Variants in RFTN1 observed in about 807,000 individuals in gnomAD.
RFTN1 encodes the protein raftlin.
RFTN1 carries 26 observed loss-of-function variants against 46.5 expected under a neutral mutation model. That is an observed-to-expected ratio of 0.56 (90% CI 0.41 to 0.78). The LOEUF is 0.78. Ranked by LOEUF, RFTN1 falls within the 30% of genes least tolerant of loss-of-function variation. The pLI, the probability that RFTN1 is intolerant of heterozygous loss-of-function variation, is 0.00. For synonymous variants in RFTN1, 261 were observed against 284.2 expected, an observed-to-expected ratio of 0.92 and a Z score of 0.82; for missense variants, 693 against 718.7, an observed-to-expected ratio of 0.96 and a Z score of 0.41.
chr3:16,326,934 T>C (rs1332974354), intron 7 of RFTN1, 58 bp from the exon 8 acceptor site: 10 of 1,315,008 alleles, frequency 7.6e-6, no homozygotes, highest in Non-Finnish European at 1.1e-5. Context: ...TCCCAGGCAA[T>C]GAGAGGGGAC....
intron 2 of RFTN1, chr3:16,454,664 C>T (rs2075874930): frequency 1.6e-6 from 1 of 634,438 alleles, no homozygotes; most frequent in Non-Finnish European, 2.0e-6. Flanking sequence ...CCTCCTCATT[C>T]CCTAACTGCT....
intron 4 of RFTN1, among the ~76,000 whole-genome samples, chr3:16,378,827 T>G (rs1416161559): frequency 6.6e-6 from 1 of 152,098 alleles, no homozygotes; most frequent in Non-Finnish European, 1.5e-5. Flanking sequence ...TGATGGTTCC[T>G]TCTCACTCCC....
chr3:16,488,555 A>C (rs190505679), intron 2 of RFTN1, among the ~76,000 whole-genome samples: 5 of 152,222 alleles, frequency 3.3e-5, no homozygotes. Flanking sequence ...AAAATCTGCT[A>C]TGGTTAAAAC....
At chr3:16,409,759 A>G (rs1490293068) in intron 3 of RFTN1, among the ~76,000 whole-genome samples, 3 of 145,540 alleles carry the variant, frequency 2.1e-5, no homozygotes, top group African/African-American at 5.2e-5. Context: ...ATCTCGGCTC[A>G]CTGCAAGCTC....
At position 16,446,216 on chromosome 3, in the gene RFTN1, A is replaced by G. The variant is rs2075726505; in HGVS notation, c.146-12179T>C. Among the ~76,000 whole-genome samples the G allele has an allele frequency of 6.6e-6, 1 of 152,060 alleles. No individual in the cohort carries two copies. Among genetic ancestry groups the G allele is most frequent in the Non-Finnish European group, 1.5e-5 (1 of 68,010 alleles). Reference sequence around the variant, plus strand: ...GGCCCTAAAGCAGATTAGCCACAAGACCAAGATGAAAGAACCATAATGAGT... The same window carrying G: ...GGCCCTAAAGCAGATTAGCCACAAGGCCAAGATGAAAGAACCATAATGAGT... On this transcript the variant is annotated intron_variant, in intron 2 of 9. Coordinates refer to ENST00000334133, the MANE Select transcript of RFTN1 (RefSeq NM_015150.2). The surrounding 1 kb of genome is among the most constrained non-coding windows in gnomAD (Gnocchi z 4.5).
intron 3 of RFTN1, among the ~76,000 whole-genome samples, chr3:16,420,756 A>G (rs2075168165): frequency 6.6e-6 from 1 of 152,246 alleles, no homozygotes; most frequent in African/African-American, 2.4e-5. Flanking sequence ...AATTTTAACA[A>G]TTTAAATGGC....
At position 16,449,557 on chromosome 3, in the gene RFTN1, A is replaced by G. The variant is rs1039088939; in HGVS notation, c.146-15520T>C. 1.3e-5 allele frequency among the ~76,000 whole-genome samples: 2 copies of G among 152,230 alleles called. No homozygotes were observed. Among genetic ancestry groups the G allele is most frequent in the Non-Finnish European group, 2.9e-5 (2 of 68,046 alleles). ...GGGAGCTGCTAAAATCATTGTTGTT[A>G]TCACCATTATGCATAACCCTAATCA... On this transcript the variant is annotated intron_variant, in intron 2 of 9. Transcript: ENST00000334133. The surrounding 1 kb of genome is among the most constrained non-coding windows in gnomAD (Gnocchi z 5.1).
chr3:16,342,221 G>C lies in RFTN1; in HGVS notation c.1147-15345C>G, dbSNP rs1302666114. The stretch of plus-strand genomic sequence containing the variant: ...CCCCTTTCCCCCCACCCACCCCGAG[G>C]CAACCACGAGTCCACTTTTTGTCTC... On this transcript the variant is annotated intron_variant, in intron 7 of 9. Transcript: ENST00000334133. The surrounding 1 kb of genome is among the most constrained non-coding windows in gnomAD (Gnocchi z 4.0). Among the ~76,000 whole-genome samples the C allele has an allele frequency of 1.3e-5, 2 of 151,596 alleles. No individual in the cohort carries two copies. Among genetic ancestry groups the C allele is most frequent in the African/African-American group, 4.9e-5 (2 of 41,186 alleles).
intron 4 of RFTN1, among the ~76,000 whole-genome samples, chr3:16,395,817 T>G (rs1219521509): frequency 3.3e-5 from 5 of 152,240 alleles, no homozygotes; most frequent in African/African-American, 9.6e-5. Context: ...GAGATGTGAT[T>G]TAAGTGACAC....
intron 4 of RFTN1, among the ~76,000 whole-genome samples, chr3:16,386,533 C>T (rs1057253225): frequency 2.0e-5 from 3 of 152,230 alleles, no homozygotes; most frequent in East Asian, 1.9e-4. Flanking sequence ...CCAGAGCCCA[C>T]GTTGCTACCT....
rs1202078887 is a variant in RFTN1 at position 16,447,820 on chromosome 3, TACTTTCTGG to T, written c.146-13792_146-13784del. On this transcript the variant is annotated intron_variant, in intron 2 of 9. Coordinates refer to ENST00000334133, the MANE Select transcript of RFTN1 (RefSeq NM_015150.2). The surrounding 1 kb of genome is among the most constrained non-coding windows in gnomAD (Gnocchi z 5.9). Reference sequence around the variant, plus strand: ...GGATTTTTAATCAGGCAAAGGAATGTACTTTCTGGACTTGCCAGTGATCACTTACTGAGA... The same window carrying T: ...GGATTTTTAATCAGGCAAAGGAATGTACTTGCCAGTGATCACTTACTGAGA... Among the ~76,000 whole-genome samples the T allele has an allele frequency of 6.6e-6, 1 of 152,186 alleles. No individual in the cohort carries two copies. The highest frequency in any genetic ancestry group is 2.4e-5 in the African/African-American group (1 of 41,450).
intron 2 of RFTN1, among the ~76,000 whole-genome samples, chr3:16,467,654 G>A (rs2076122161): frequency 6.6e-6 from 1 of 152,220 alleles, no homozygotes; most frequent in South Asian, 2.1e-4. Context: ...AAGAGGTGAT[G>A]ACCGTGCGCC....
Position 16,317,212 on chromosome 3 carries a change from T to C in RFTN1, c.1353A>G (p.Arg451=), listed in dbSNP as rs757839572. The C allele has an allele frequency of 1.9e-5, 31 of 1,612,716 alleles. No homozygotes were observed. Among genetic ancestry groups the C allele is most frequent in the Admixed American group, 8.3e-5 (5 of 59,938 alleles). The change falls in exon 10 of 10, where the codon AGA becomes AGG. Residue 451 remains arginine, a synonymous_variant. Transcript: ENST00000334133. This position sits in a 1 kb window ranked among gnomAD's most constrained non-coding sequence, Gnocchi z 4.3. ...TCATCTGCCTGTTGTGCATTTCTTC[T>C]CTGGAGAATCGCCACTGAAACTAGA... The part of the protein sequence containing the change: ...KESKFQWRFS[R]EEMHNRQMRK...
In RFTN1 at chr3:16,428,552, A is replaced by C. The variant is rs2075327591; in HGVS notation, c.332+5299T>G. On this transcript the variant is annotated intron_variant, in intron 3 of 9. Transcript: ENST00000334133. The surrounding 1 kb of genome is among the most constrained non-coding windows in gnomAD (Gnocchi z 4.7). Reference sequence around the variant, plus strand: ...CAGGTCCTCTGTGTGCCCCCACCCTAATCCTAGGCCAAAAGGTGCCTGATA... The same window carrying C: ...CAGGTCCTCTGTGTGCCCCCACCCTCATCCTAGGCCAAAAGGTGCCTGATA... Among the ~76,000 whole-genome samples the C allele has an allele frequency of 6.6e-6, 1 of 152,192 alleles. No homozygotes were observed. Among genetic ancestry groups the C allele is most frequent in the Non-Finnish European group, 1.5e-5 (1 of 68,028 alleles).
At chr3:16,360,729 A>G (rs557835817) in intron 6 of RFTN1, among the ~76,000 whole-genome samples, 1 of 152,350 alleles carries the variant, frequency 6.6e-6, no homozygotes, top group Non-Finnish European at 1.5e-5. Flanking sequence ...AACTTAATCT[A>G]AATGTTCAAC....
rs570322474 is a variant in RFTN1 at position 16,338,456 on chromosome 3, C to T, written c.1147-11580G>A. 2.0e-5 allele frequency among the ~76,000 whole-genome samples: 3 copies of T among 152,352 alleles called. No individual in the cohort carries two copies. Among genetic ancestry groups the T allele is most frequent in the East Asian group, 3.9e-4 (2 of 5,186 alleles). Reference sequence around the variant, plus strand: ...TCCTGTCAGCTGCTCATCGGGACCACGTATGCAATAGCACAGGGCTCCTGT... The same window carrying T: ...TCCTGTCAGCTGCTCATCGGGACCATGTATGCAATAGCACAGGGCTCCTGT... On this transcript the variant is annotated intron_variant, in intron 7 of 9. Transcript: ENST00000334133. The surrounding 1 kb of genome is among the most constrained non-coding windows in gnomAD (Gnocchi z 5.3).
At position 16,316,478 on chromosome 3, in the gene RFTN1, C is replaced by G. The variant is rs150410164; in HGVS notation, c.*350G>C. Reference sequence around the variant, plus strand: ...GCCCAGGGTGTCCATGGATTTGACCCGAATGCTCCCTGGAGGCCCTGTGGC... The same window carrying G: ...GCCCAGGGTGTCCATGGATTTGACCGGAATGCTCCCTGGAGGCCCTGTGGC... On this transcript the variant is annotated 3_prime_UTR_variant, in exon 10 of 10. Transcript: ENST00000334133. This position sits in a 1 kb window ranked among gnomAD's most constrained non-coding sequence, Gnocchi z 4.5. 1 of 321,866 alleles carries G rather than the reference C, an allele frequency of 3.1e-6. No homozygotes were observed. Among genetic ancestry groups the G allele is most frequent in the East Asian group, 9.6e-5 (1 of 10,418 alleles). The allele number at this position is 321,866 out of a possible 1,614,324, so 19.9% of individuals were successfully genotyped here. A position where few individuals can be genotyped will look rare whatever the true frequency, so the allele number is the denominator to read the frequency against.
At position 16,361,833 on chromosome 3, in the gene RFTN1, A is replaced by G. The variant is rs1046403915; in HGVS notation, c.1031-3786T>C. 2.4e-4 allele frequency among the ~76,000 whole-genome samples: 36 copies of G among 152,322 alleles called. No homozygotes were observed. The highest frequency in any genetic ancestry group is 8.4e-4 in the African/African-American group (35 of 41,574). ...GTCTTGGCCATTACATTGAGAGGGC[A>G]TGCCCCAGTTAGCCAGTTGGTTCTA... On this transcript the variant is annotated intron_variant, in intron 6 of 9. Transcript: ENST00000334133. The surrounding 1 kb of genome is among the most constrained non-coding windows in gnomAD (Gnocchi z 4.3).
At chr3:16,340,374 A>T (rs537293060) in intron 7 of RFTN1, among the ~76,000 whole-genome samples, 49 of 152,406 alleles carry the variant, frequency 3.2e-4, no homozygotes, top group Admixed American at 9.1e-4. Flanking sequence ...ATGTTAAGAT[A>T]CACAAGGCTC....
Sources: allele counts gnomAD v4.1 joint callset (sites outside exome capture counted in the v4.1 genomes callset), GRCh38; gene constraint gnomAD v4.1.1; non-coding constraint Gnocchi (gnomAD v3.1); transcripts MANE v1.5; gene names NCBI Gene and HGNC (gene_info 2026-07-23, HGNC 2026-07-21).